PPP3R2: variants seen among roughly 807,000 people sequenced by gnomAD.
PPP3R2 encodes the protein calcineurin subunit B type 2.
For synonymous variants in PPP3R2, 91 were observed against 91.5 expected (o/e 0.99, Z 0.03); for missense variants, 225 against 217.4 (o/e 1.03, Z -0.22).
In PPP3R2 at chr9:101,591,787, C is replaced by G. The variant is rs1466058276; in HGVS notation, c.*2622G>C. The G allele has an allele frequency of 6.6e-6, 1 of 152,142 alleles. No individual in the cohort carries two copies. The highest frequency in any genetic ancestry group is 1.5e-5 in the Non-Finnish European group (1 of 68,042). 9.4% of individuals were successfully genotyped at this position (152,142 alleles called of 1,614,324 possible). A position where few individuals can be genotyped will look rare whatever the true frequency, so the allele number is the denominator to read the frequency against. ...TTCAAGTGCTAAATCCAGATACAGG[C>G]TCTCAGTTCAAGGTCATTGCCACAA... On this transcript the variant is annotated 3_prime_UTR_variant, in exon 1 of 1. Transcript: ENST00000374806.
chr9:101,593,037 T>C lies in PPP3R2; in HGVS notation c.*1372A>G, dbSNP rs1828054327. 1 of 152,232 alleles carries C rather than the reference T, an allele frequency of 6.6e-6. No homozygotes were observed. The highest frequency in any genetic ancestry group is 1.5e-5 in the Non-Finnish European group (1 of 68,050). 9.4% of individuals were successfully genotyped at this position (152,232 alleles called of 1,614,324 possible). On this transcript the variant is annotated 3_prime_UTR_variant, in exon 1 of 1. Transcript: ENST00000374806. ...CTGCTCTTCTGAGGACAGTTCATGC[T>C]CTGAGAACTCACAATAGTATGTGGG... is the stretch of plus-strand genomic sequence containing the variant.
Position 101,592,770 on chromosome 9 carries a change from C to A in PPP3R2, c.*1639G>T, listed in dbSNP as rs201233530. The stretch of plus-strand genomic sequence containing the variant: ...ATTTGTGGACTTTTTTTTTTTTTTT[C>A]TATTTTGGTCAAGACCAGTTGCCAG... On this transcript the variant is annotated 3_prime_UTR_variant, in exon 1 of 1. Transcript: ENST00000374806. 1 of 106,884 alleles carries A rather than the reference C, an allele frequency of 9.4e-6. No individual in the cohort carries two copies. 6.6% of individuals were successfully genotyped at this position (106,884 alleles called of 1,614,324 possible).
At position 101,592,787 on chromosome 9, in the gene PPP3R2, A is replaced by C. The variant is rs1292560469; in HGVS notation, c.*1622T>G. The C allele has an allele frequency of 4.0e-5, 6 of 151,004 alleles. No homozygotes were observed. The highest frequency in any genetic ancestry group is 1.5e-4 in the African/African-American group (6 of 41,078). The allele number at this position is 151,004 out of a possible 1,614,324, so 9.4% of individuals were successfully genotyped here. A position where few individuals can be genotyped will look rare whatever the true frequency, so the allele number is the denominator to read the frequency against. ...TTTTTTTTCTATTTTGGTCAAGACCAGTTGCCAGCTTCTTCCAAATAAAAT... is the reference window on the plus strand; with the variant it reads ...TTTTTTTTCTATTTTGGTCAAGACCCGTTGCCAGCTTCTTCCAAATAAAAT... On this transcript the variant is annotated 3_prime_UTR_variant, in exon 1 of 1. Transcript: ENST00000374806.
In PPP3R2 at chr9:101,594,375, A is replaced by T. The variant is rs1828078000; in HGVS notation, c.*34T>A. ...TCTTGAAAGAGATAGGGAAGAAAGC[A>T]GAAGTTGTTGGGTGGTGCTTGTAAG... On this transcript the variant is annotated 3_prime_UTR_variant, in exon 1 of 1. Transcript: ENST00000374806. 1 of 1,552,482 alleles carries T rather than the reference A, an allele frequency of 6.4e-7. No homozygotes were observed. Among genetic ancestry groups the T allele is most frequent in the Admixed American group, 1.9e-5 (1 of 51,874 alleles).
rs1564121703 is a variant in PPP3R2, at chr9:101,594,851, C to T, written c.71G>A (p.Gly24Asp). 6.2e-7 allele frequency: 1 copy of T among 1,606,220 alleles called. No individual in the cohort carries two copies. The highest frequency in any genetic ancestry group is 8.5e-7 in the Non-Finnish European group (1 of 1,179,990). ...CAAGTCCAACTTCTTAAACCTCCTGCCCAGCCTTTTAATTTCATCATTGTC... is the reference window on the plus strand; with the variant it reads ...CAAGTCCAACTTCTTAAACCTCCTGTCCAGCCTTTTAATTTCATCATTGTC... ...HFDNDEIKRLGRRFKKLDLDK... is the reference protein window; with the variant it reads ...HFDNDEIKRLDRRFKKLDLDK... The change falls in exon 1 of 1, where the codon GGC becomes GAC. Residue 24 changes from glycine (G) to aspartate (D), a missense_variant. By Grantham distance (94) the Gly-to-Asp change is moderately conservative. Transcript: ENST00000374806.
chr9:101,594,243 G>T lies in PPP3R2; in HGVS notation c.*166C>A. The T allele has an allele frequency of 1.2e-6, 1 of 848,874 alleles. No homozygotes were observed. Among genetic ancestry groups the T allele is most frequent in the Non-Finnish European group, 1.8e-6 (1 of 565,142 alleles). The allele number at this position is 848,874 out of a possible 1,614,324, so 52.6% of individuals were successfully genotyped here. A position where few individuals can be genotyped will look rare whatever the true frequency, so the allele number is the denominator to read the frequency against. On this transcript the variant is annotated 3_prime_UTR_variant, in exon 1 of 1. Transcript: ENST00000374806. Reference sequence around the variant, plus strand: ...GTACCCTGAGTCATTCAGAGAAGGAGAATTAATAGCACTGAGTTGGTGATG... The same window carrying T: ...GTACCCTGAGTCATTCAGAGAAGGATAATTAATAGCACTGAGTTGGTGATG...
chr9:101,594,923 G>T lies in PPP3R2; in HGVS notation c.-2C>A. 1 of 1,597,806 alleles carries T rather than the reference G, an allele frequency of 6.3e-7. No homozygotes were observed. The highest frequency in any genetic ancestry group is 1.1e-5 in the South Asian group (1 of 90,852). Reference sequence around the variant, plus strand: ...CGGGTAACTGGCCTCGTTTCCCATTGTGGACATCTGGCAACGGCCACGGCT... The same window carrying T: ...CGGGTAACTGGCCTCGTTTCCCATTTTGGACATCTGGCAACGGCCACGGCT... On this transcript the variant is annotated 5_prime_UTR_variant, in exon 1 of 1. Coordinates refer to ENST00000374806, the MANE Select transcript of PPP3R2 (RefSeq NM_147180.4).
In PPP3R2 at chr9:101,592,048, C is replaced by T. The variant is rs1278407591; in HGVS notation, c.*2361G>A. On this transcript the variant is annotated 3_prime_UTR_variant, in exon 1 of 1. Transcript: ENST00000374806. ...GTCCTCTTGGCTAGCATGACATGTG[C>T]TCACTTCCTCCATGTAAAATTCCTC... 3.3e-5 allele frequency: 5 copies of T among 152,176 alleles called. No homozygotes were observed. Among genetic ancestry groups the T allele is most frequent in the African/African-American group, 1.2e-4 (5 of 41,430 alleles). The allele number at this position is 152,176 out of a possible 1,614,324, so 9.4% of individuals were successfully genotyped here.
rs757162006 is a variant in PPP3R2 at position 101,594,551 on chromosome 9, A to G, written c.371T>C (p.Leu124Pro). Reference protein sequence around the residue: ...QVLKMMVGNNLTDWQLQQLVD... With the variant: ...QVLKMMVGNNPTDWQLQQLVD... ...CAGCTGCTGGAGCTGCCAGTCCGTC[A>G]GGTTGTTGCCCACCATCATCTTCAG... The change falls in exon 1 of 1, where the codon CTG becomes CCG. Residue 124 changes from leucine (L) to proline (P), a missense_variant. Leu to Pro is a moderately conservative substitution (Grantham distance 98, BLOSUM62 -3). Coordinates refer to ENST00000374806, the MANE Select transcript of PPP3R2 (RefSeq NM_147180.4). 3.3e-5 allele frequency: 53 copies of G among 1,614,086 alleles called. No individual in the cohort carries two copies. The highest frequency in any genetic ancestry group is 2.0e-4 in the Admixed American group (12 of 60,006).
Position 101,594,912 on chromosome 9 carries a change from C to T in PPP3R2, c.10G>A (p.Glu4Lys), listed in dbSNP as rs1306296472. Residue 4 changes from glutamate (E) to lysine (K), a missense_variant, in exon 1 of 1, where the codon GAG becomes AAG. Physicochemically the swap from Glu to Lys is moderately conservative, Grantham distance 56. Coordinates refer to ENST00000374806, the MANE Select transcript of PPP3R2 (RefSeq NM_147180.4). Reference protein sequence around the residue: MGNEASYPAEMCSH... With the variant: MGNKASYPAEMCSH... ...CACATCTCCGCCGGGTAACTGGCCT[C>T]GTTTCCCATTGTGGACATCTGGCAA... The T allele has an allele frequency of 6.9e-6, 11 of 1,598,770 alleles. No homozygotes were observed. The East Asian group carries it at 2.2e-4, about 32-fold the overall frequency.
chr9:101,594,554 T>A lies in PPP3R2; in HGVS notation c.368A>T (p.Asn123Ile), dbSNP rs1564121470. ...FQVLKMMVGN[N>I]LTDWQLQQLV... is the part of the protein sequence containing the mutation. The stretch of plus-strand genomic sequence containing the variant: ...CTGCTGGAGCTGCCAGTCCGTCAGG[T>A]TGTTGCCCACCATCATCTTCAGCAC... Residue 123 changes from asparagine (N) to isoleucine (I), a missense_variant, in exon 1 of 1, where the codon AAC becomes ATC. Transcript: ENST00000374806. 1.9e-6 allele frequency: 3 copies of A among 1,614,164 alleles called. No homozygotes were observed. Among genetic ancestry groups the A allele is most frequent in the Non-Finnish European group, 2.5e-6 (3 of 1,180,030 alleles).
In PPP3R2 at chr9:101,594,191, C is replaced by T. The variant is rs978223381; in HGVS notation, c.*218G>A. 7 of 520,818 alleles carry T rather than the reference C, an allele frequency of 1.3e-5. No homozygotes were observed. Among genetic ancestry groups the T allele is most frequent in the African/African-American group, 1.2e-4 (6 of 51,870 alleles). The allele number at this position is 520,818 out of a possible 1,614,324, so 32.3% of individuals were successfully genotyped here. ...TTTCCTTTTCTTTCCCCACTATGCT[C>T]ATTTGACTTGCTCTTCCCCCTATAG... On this transcript the variant is annotated 3_prime_UTR_variant, in exon 1 of 1. Coordinates refer to ENST00000374806, the MANE Select transcript of PPP3R2 (RefSeq NM_147180.4).
In PPP3R2 at chr9:101,592,418, A is replaced by G. The variant is rs1372432098; in HGVS notation, c.*1991T>C. 3 of 152,150 alleles carry G rather than the reference A, an allele frequency of 2.0e-5. No homozygotes were observed. Among genetic ancestry groups the G allele is most frequent in the Non-Finnish European group, 2.9e-5 (2 of 68,036 alleles). 9.4% of individuals were successfully genotyped at this position (152,150 alleles called of 1,614,324 possible). ...CCAGGTGTGTTGCATGCCTTTTTGAATCCTCAAAATAACCCTGGGGTGGAT... is the reference window on the plus strand; with the variant it reads ...CCAGGTGTGTTGCATGCCTTTTTGAGTCCTCAAAATAACCCTGGGGTGGAT... On this transcript the variant is annotated 3_prime_UTR_variant, in exon 1 of 1. Coordinates refer to ENST00000374806, the MANE Select transcript of PPP3R2 (RefSeq NM_147180.4).
rs371906886 is a variant in PPP3R2 at position 101,594,963 on chromosome 9, G to A, written c.-42C>T. 6 of 1,572,562 alleles carry A rather than the reference G, an allele frequency of 3.8e-6. No individual in the cohort carries two copies. Among genetic ancestry groups the A allele is most frequent in the Admixed American group, 3.4e-5 (2 of 58,068 alleles). ...CGGCCACGGCTCAAAGGGTCGGAGA[G>A]GGGAGCAGGGGCGGTGAGCTCGGGC... On this transcript the variant is annotated 5_prime_UTR_variant, in exon 1 of 1. Transcript: ENST00000374806.
chr9:101,594,321 CAG>C lies in PPP3R2; in HGVS notation c.*86_*87del. ...CAAAAAGAAATACTTCCAGATAAGT[CAG>C]AGAGACAGTTGGACGTCTTGAGCAA... On this transcript the variant is annotated 3_prime_UTR_variant, in exon 1 of 1. Coordinates refer to ENST00000374806, the MANE Select transcript of PPP3R2 (RefSeq NM_147180.4). The C allele has an allele frequency of 6.8e-7, 1 of 1,476,672 alleles. No homozygotes were observed. The highest frequency in any genetic ancestry group is 9.1e-7 in the Non-Finnish European group (1 of 1,097,526). 91.5% of individuals were successfully genotyped at this position (1,476,672 alleles called of 1,614,324 possible). A position where few individuals can be genotyped will look rare whatever the true frequency, so the allele number is the denominator to read the frequency against.
At position 101,593,366 on chromosome 9, in the gene PPP3R2, G is replaced by C. The variant is rs896706283; in HGVS notation, c.*1043C>G. On this transcript the variant is annotated 3_prime_UTR_variant, in exon 1 of 1. Transcript: ENST00000374806. The stretch of plus-strand genomic sequence containing the variant: ...AGAGAGCTCTCAGTTTCTCTTCTAG[G>C]CCTCAGATCTGATTTTCAAAATCAG... 6.6e-6 allele frequency: 1 copy of C among 152,172 alleles called. No homozygotes were observed. Among genetic ancestry groups the C allele is most frequent in the African/African-American group, 2.4e-5 (1 of 41,424 alleles). 9.4% of individuals were successfully genotyped at this position (152,172 alleles called of 1,614,324 possible). A position where few individuals can be genotyped will look rare whatever the true frequency, so the allele number is the denominator to read the frequency against.
In PPP3R2 at chr9:101,594,487, A is replaced by G; in HGVS notation, c.435T>C (p.Asp145=). The G allele has an allele frequency of 1.2e-6, 2 of 1,614,212 alleles. No individual in the cohort carries two copies. The highest frequency in any genetic ancestry group is 1.7e-6 in the Non-Finnish European group (2 of 1,180,048). Residue 145 remains aspartate, a synonymous_variant, in exon 1 of 1, where the codon GAT becomes GAC. Transcript: ENST00000374806. ...KTIIILDKDG[D]GKISFEEFSA... ...TGAATTCCTCAAAGGATATCTTCCCATCGCCATCCTTGTCCAGGATGATGA... is the reference window on the plus strand; with the variant it reads ...TGAATTCCTCAAAGGATATCTTCCCGTCGCCATCCTTGTCCAGGATGATGA...
chr9:101,594,930 T>G lies in PPP3R2; in HGVS notation c.-9A>C, dbSNP rs1828097544. 4 of 1,596,528 alleles carry G rather than the reference T, an allele frequency of 2.5e-6. No individual in the cohort carries two copies. The highest frequency in any genetic ancestry group is 1.7e-5 in the Admixed American group (1 of 59,804). Reference sequence around the variant, plus strand: ...CTGGCCTCGTTTCCCATTGTGGACATCTGGCAACGGCCACGGCTCAAAGGG... The same window carrying G: ...CTGGCCTCGTTTCCCATTGTGGACAGCTGGCAACGGCCACGGCTCAAAGGG... On this transcript the variant is annotated 5_prime_UTR_variant, in exon 1 of 1. The change abolishes an upstream ATG in the 5' untranslated region. Coordinates refer to ENST00000374806, the MANE Select transcript of PPP3R2 (RefSeq NM_147180.4).
chr9:101,592,241 T>C lies in PPP3R2; in HGVS notation c.*2168A>G, dbSNP rs550549088. On this transcript the variant is annotated 3_prime_UTR_variant, in exon 1 of 1. Coordinates refer to ENST00000374806, the MANE Select transcript of PPP3R2 (RefSeq NM_147180.4). Reference sequence around the variant, plus strand: ...GGCTTGGACATGGGCTGTACACTAATGTCCAGTTAATTTTAGAGTGGGTGT... The same window carrying C: ...GGCTTGGACATGGGCTGTACACTAACGTCCAGTTAATTTTAGAGTGGGTGT... The C allele has an allele frequency of 1.3e-5, 2 of 152,350 alleles. No individual in the cohort carries two copies. The highest frequency in any genetic ancestry group is 2.1e-4 in the South Asian group (1 of 4,828). 9.4% of individuals were successfully genotyped at this position (152,350 alleles called of 1,614,324 possible). A position where few individuals can be genotyped will look rare whatever the true frequency, so the allele number is the denominator to read the frequency against.
Sources: gnomAD v4.1 joint callset for allele counts on GRCh38, gnomAD v4.1.1 for gene constraint, MANE v1.5 for transcripts, NCBI Gene and HGNC (gene_info 2026-07-23, HGNC 2026-07-21) for gene names.